HS3ST4: variants seen among roughly 807,000 people sequenced by gnomAD.
HS3ST4 encodes heparan sulfate glucosamine 3-O-sulfotransferase 4.
Under a neutral mutation model 29.2 loss-of-function variants are expected in HS3ST4, and 17 were observed. The observed-to-expected ratio is 0.58, with a 90% CI of 0.40 to 0.87. The LOEUF (loss-of-function observed/expected upper bound fraction) is 0.87, where lower values mean the gene tolerates loss of function less well. HS3ST4 is among the 40% of genes least tolerant of loss of function. HS3ST4 has a pLI of 0.00. For missense variants in HS3ST4, 627 were observed against 634.5 expected (o/e 0.99, Z 0.13); for synonymous variants, 314 against 285.7 (o/e 1.10, Z -1.00).
chr16:25,969,771 A>G (rs1457636044), intron 1 of HS3ST4, among the ~76,000 whole-genome samples: 1 of 152,234 alleles, frequency 6.6e-6, no homozygotes, highest in Non-Finnish European at 1.5e-5. Context: ...AGGGCCGCCC[A>G]TGGCATGAAC....
rs56169806 is a variant in HS3ST4, at chr16:26,081,786, C to CTTT, written c.735-53802_735-53800dup. Among the ~76,000 whole-genome samples the CTTT allele has an allele frequency of 3.2e-3, 273 of 84,992 alleles. 16 individuals are homozygous for CTTT. Among genetic ancestry groups the CTTT allele is most frequent in the African/African-American group, 0.012 (251 of 21,560 alleles). 55.8% of individuals were successfully genotyped at this position (84,992 alleles called of 152,430 possible). ...CCCCATGTACTTCAGGGAGTACATT[C>CTTT]TTTTTTTTTTTTTTTTTTTTTTTTT... On this transcript the variant is annotated intron_variant, in intron 1 of 1. Coordinates refer to ENST00000331351, the MANE Select transcript of HS3ST4 (RefSeq NM_006040.3).
At chr16:25,706,177 A>C (rs937082265) in intron 1 of HS3ST4, among the ~76,000 whole-genome samples, 8 of 152,148 alleles carry the variant, frequency 5.3e-5, no homozygotes, top group Admixed American at 3.3e-4. Flanking sequence ...TAAAATACCG[A>C]AACAACATAA....
chr16:26,078,858 A>T (rs1433446718), intron 1 of HS3ST4, among the ~76,000 whole-genome samples: 2 of 152,230 alleles, frequency 1.3e-5, no homozygotes, highest in Admixed American at 1.3e-4. Context: ...GGCTGAATGA[A>T]TCTCTAACAG....
At chr16:25,883,115 C>T (rs4238927) in intron 1 of HS3ST4, among the ~76,000 whole-genome samples, 110,405 of 150,208 alleles carry the variant, frequency 0.74, 40,667 homozygotes, top group African/African-American at 0.77. Context: ...TTTCTTGTTT[C>T]TTCTCTGCTG....
chr16:26,135,729 T>A lies in HS3ST4; in HGVS notation c.852T>A (p.Ile284=). Residue 284 remains isoleucine (I), a synonymous_variant, in exon 2 of 2, where the codon ATT becomes ATA. Transcript: ENST00000331351. ...CCATGGCCAAGGACATCAAACTGAT[T>A]GTGGTGGTGAGAAACCCCGTGACCA... ...IHSMAKDIKL[I]VVVRNPVTRA... 6.2e-7 allele frequency: 1 copy of A among 1,614,080 alleles called. No homozygotes were observed. Among genetic ancestry groups the A allele is most frequent in the South Asian group, 1.1e-5 (1 of 91,074 alleles).
At chr16:25,904,306 G>A (rs1345153761) in intron 1 of HS3ST4, among the ~76,000 whole-genome samples, 1 of 152,210 alleles carries the variant, frequency 6.6e-6, no homozygotes, top group African/African-American at 2.4e-5. Flanking sequence ...TCATGTCTTA[G>A]TGATAAATAT....
At chr16:25,932,460 G>A (rs1480659019) in intron 1 of HS3ST4, among the ~76,000 whole-genome samples, 1 of 152,164 alleles carries the variant, frequency 6.6e-6, no homozygotes, top group Non-Finnish European at 1.5e-5. Context: ...GCCTAGGGGA[G>A]GAGTGGTAAC....
intron 1 of HS3ST4, among the ~76,000 whole-genome samples, chr16:25,957,541 C>A (rs1430105342): frequency 1.3e-5 from 2 of 152,110 alleles, no homozygotes; most frequent in African/African-American, 4.8e-5. Context: ...CGTCAGCCTC[C>A]CGAGTAGCTG....
intron 1 of HS3ST4, among the ~76,000 whole-genome samples, chr16:25,875,699 A>G (rs1260241964): frequency 2.0e-5 from 3 of 152,166 alleles, no homozygotes; most frequent in Non-Finnish European, 4.4e-5. Context: ...TCTGGAGTCC[A>G]GAAGTGGGAA....
intron 1 of HS3ST4, among the ~76,000 whole-genome samples, chr16:26,127,740 C>T (rs1899364162): frequency 6.6e-6 from 1 of 152,196 alleles, no homozygotes. Flanking sequence ...TGAGTATCTA[C>T]CTTCTCAGCC....
chr16:26,093,472 G>T (rs749583190), intron 1 of HS3ST4, among the ~76,000 whole-genome samples: 3 of 152,200 alleles, frequency 2.0e-5, no homozygotes, highest in Non-Finnish European at 4.4e-5. Context: ...AGGCAAACAG[G>T]TCTGGAGTGG....
At chr16:26,015,619 C>T (rs1969355389) in intron 1 of HS3ST4, among the ~76,000 whole-genome samples, 1 of 152,172 alleles carries the variant, frequency 6.6e-6, no homozygotes, top group East Asian at 1.9e-4. Flanking sequence ...AGCTCCAGCC[C>T]TCTGATTGCA....
At chr16:25,913,764 A>G (rs895692148) in intron 1 of HS3ST4, among the ~76,000 whole-genome samples, 3 of 149,696 alleles carry the variant, frequency 2.0e-5, no homozygotes, top group Non-Finnish European at 3.0e-5. Flanking sequence ...GTGTGTGTGT[A>G]TGTGTGGGGT....
chr16:25,983,258 G>A (rs1341329625), intron 1 of HS3ST4, among the ~76,000 whole-genome samples: 2 of 152,062 alleles, frequency 1.3e-5, no homozygotes, highest in African/African-American at 4.8e-5. Context: ...TTTCACTCTT[G>A]CCTAAGTGTG....
At chr16:25,840,211 C>T (rs1267454153) in intron 1 of HS3ST4, among the ~76,000 whole-genome samples, 1 of 152,204 alleles carries the variant, frequency 6.6e-6, no homozygotes, top group Admixed American at 6.5e-5. Flanking sequence ...CGACAATTTT[C>T]CTTAAATCTC....
chr16:25,832,987 C>T (rs1201804174), intron 1 of HS3ST4, among the ~76,000 whole-genome samples: 1 of 152,184 alleles, frequency 6.6e-6, no homozygotes, highest in Non-Finnish European at 1.5e-5. Flanking sequence ...TATACTGGGG[C>T]ATACGCCAGC....
chr16:25,995,060 C>T (rs559841189), intron 1 of HS3ST4, among the ~76,000 whole-genome samples: 10 of 152,162 alleles, frequency 6.6e-5, no homozygotes, highest in African/African-American at 2.2e-4. Context: ...TCATGAAAGA[C>T]ATAAAGTTCA....
At chr16:26,085,050 G>A (rs1567308647) in intron 1 of HS3ST4, among the ~76,000 whole-genome samples, 1 of 152,164 alleles carries the variant, frequency 6.6e-6, no homozygotes. Flanking sequence ...TGAGCACATG[G>A]CCTCTCAGTT....
chr16:26,075,182 A>T (rs1008912640), intron 1 of HS3ST4, among the ~76,000 whole-genome samples: 1 of 151,854 alleles, frequency 6.6e-6, no homozygotes, highest in African/African-American at 2.4e-5. Context: ...ACAGAGTGAG[A>T]CTCTGTCTCA....
Sources: gnomAD v4.1 joint callset for allele counts (sites outside exome capture counted in the v4.1 genomes callset) on GRCh38, gnomAD v4.1.1 for gene constraint, MANE v1.5 for transcripts, NCBI Gene and HGNC (gene_info 2026-07-23, HGNC 2026-07-21) for gene names.